Variants in CELF2 observed in about 807,000 individuals in gnomAD.
The protein encoded by CELF2 is CUG triplet repeat RNA-binding protein 2.
In CELF2, 8 loss-of-function variants were observed where a neutral mutation model predicts 62.6. The observed-to-expected ratio is 0.13, with a 90% confidence interval of 0.07 to 0.23. The LOEUF is 0.23. Ranked by LOEUF, CELF2 falls within the 10% of genes least tolerant of loss-of-function variation. CELF2 has a pLI of 1.00. For missense variants in CELF2, 333 were observed against 671.0 expected, an observed-to-expected ratio of 0.50 and a Z score of 5.56; for synonymous variants, 258 against 250.0, an observed-to-expected ratio of 1.03 and a Z score of -0.30.
rs2074895204 is a variant in CELF2, at chr10:11,244,157, C to T, written c.355-4996C>T. On this transcript the variant is annotated intron_variant, in intron 3 of 12. Coordinates refer to ENST00000633077, the MANE Select transcript of CELF2 (RefSeq NM_001326342.2). This position sits in a 1 kb window ranked among gnomAD's most constrained non-coding sequence, Gnocchi z 4.2. Reference sequence around the variant, plus strand: ...TTGAGAAGCAACAGTTCTGACCCCACTCATTTCATCATTAGCTCTTGAGAA... The same window carrying T: ...TTGAGAAGCAACAGTTCTGACCCCATTCATTTCATCATTAGCTCTTGAGAA... Among the ~76,000 whole-genome samples the T allele has an allele frequency of 6.6e-6, 1 of 152,238 alleles. No homozygotes were observed. Among genetic ancestry groups the T allele is most frequent in the South Asian group, 2.1e-4 (1 of 4,836 alleles).
intron 4 of CELF2, among the ~76,000 whole-genome samples, chr10:11,253,657 A>AT (rs940641640): frequency 1.3e-3 from 190 of 151,060 alleles, no homozygotes; most frequent in Middle Eastern, 3.4e-3. Context: ...ACAATTAGAG[A>AT]TTTTTTTTTT....
chr10:11,092,895 G>A (rs957227272), intron 1 of CELF2, among the ~76,000 whole-genome samples: 1 of 152,142 alleles, frequency 6.6e-6, no homozygotes, highest in African/African-American at 2.4e-5. Context: ...TCCAGACATA[G>A]GAGACAGATA....
intron 1 of CELF2, among the ~76,000 whole-genome samples, chr10:10,895,863 C>G (rs927135760): frequency 1.3e-5 from 2 of 152,172 alleles, no homozygotes; most frequent in Admixed American, 1.3e-4. Flanking sequence ...GGGATGAACT[C>G]TAAGCTCCCC....
the CELF2 span, among the ~76,000 whole-genome samples, chr10:10,651,518 A>G: frequency 8.2e-6 from 1 of 122,352 alleles, no homozygotes; most frequent in Middle Eastern, 4.2e-3. Flanking sequence ...ACGCAGCTGG[A>G]GATCTGAGAA....
At chr10:11,085,591 T>A (rs78789376) in intron 1 of CELF2, among the ~76,000 whole-genome samples, 2,375 of 152,212 alleles carry the variant, frequency 0.016, 53 homozygotes, top group African/African-American at 0.054. Flanking sequence ...TTCCCCAGTT[T>A]ACAGATGGGC....
the CELF2 span, among the ~76,000 whole-genome samples, chr10:10,559,141 C>A: frequency 5.9e-5 from 9 of 152,224 alleles, no homozygotes; most frequent in East Asian, 7.7e-4. Context: ...ACAGAGCGGG[C>A]AAATTTAAAT....
At chr10:10,747,150 G>A in the CELF2 span, among the ~76,000 whole-genome samples, 1 of 152,182 alleles carries the variant, frequency 6.6e-6, no homozygotes, top group Non-Finnish European at 1.5e-5. Context: ...TAGGTAAGAG[G>A]TCCATCCTTT....
At chr10:11,212,737 GTTTTTTTT>G (rs11354880) in intron 2 of CELF2, among the ~76,000 whole-genome samples, 5 of 91,966 alleles carry the variant, frequency 5.4e-5, no homozygotes, top group Admixed American at 1.2e-4. Flanking sequence ...TGTGTTTTGG[GTTTTTTTT>G]TTTTTTTTTT....
intron 9 of CELF2, among the ~76,000 whole-genome samples, chr10:11,307,330 G>A (rs1340487009): frequency 2.0e-5 from 3 of 152,350 alleles, no homozygotes; most frequent in East Asian, 3.9e-4. Flanking sequence ...GTTACAGCCT[G>A]GCATACAGGG....
At chr10:10,505,176 G>C in the CELF2 span, among the ~76,000 whole-genome samples, 2 of 152,078 alleles carry the variant, frequency 1.3e-5, no homozygotes, top group African/African-American at 4.8e-5. Context: ...GGTTTCACTG[G>C]CTTTCTCTGA....
At chr10:10,604,094 C>T in the CELF2 span, among the ~76,000 whole-genome samples, 1 of 152,102 alleles carries the variant, frequency 6.6e-6, no homozygotes, top group African/African-American at 2.4e-5. Flanking sequence ...CCTGTAGTCC[C>T]CACTACTAGG....
chr10:10,766,478 G>A, the CELF2 span, among the ~76,000 whole-genome samples: 1 of 152,292 alleles, frequency 6.6e-6, no homozygotes. Flanking sequence ...ACACACTGCT[G>A]CCTCCATCGG....
At chr10:10,505,785 C>T in the CELF2 span, among the ~76,000 whole-genome samples, 1 of 152,188 alleles carries the variant, frequency 6.6e-6, no homozygotes, top group Admixed American at 6.5e-5. Context: ...TGCTAGGCTG[C>T]TGCTTTTCTG....
chr10:10,567,652 G>C, the CELF2 span, among the ~76,000 whole-genome samples: 4 of 152,122 alleles, frequency 2.6e-5, no homozygotes, highest in Admixed American at 6.5e-5. Flanking sequence ...CCCAGAAAAT[G>C]CTCAGGCGTC....
upstream of CELF2, among the ~76,000 whole-genome samples, chr10:11,004,419 G>GCA (rs1564345489): frequency 1.4e-5 from 2 of 143,716 alleles, no homozygotes; most frequent in African/African-American, 5.8e-5. The surrounding 1 kb of genome is among the most constrained non-coding windows in gnomAD (Gnocchi z 5.0). Context: ...GTGTGTGCGC[G>GCA]CGCGTGTGTG....
At chr10:10,892,897 G>GC (rs2062253075) in intron 1 of CELF2, among the ~76,000 whole-genome samples, 2 of 152,360 alleles carry the variant, frequency 1.3e-5, no homozygotes, top group East Asian at 3.9e-4. Context: ...GGAGGATGGA[G>GC]CCTGGTTATT....
At chr10:10,946,766 T>A (rs1306992445) in intron 2 of CELF2, 2 of 152,218 alleles carry the variant, frequency 1.3e-5, no homozygotes, top group South Asian at 2.1e-4. Context: ...TATAGAGAAG[T>A]ATGAACCCTC....
At chr10:10,966,885 G>A (rs867227880) in intron 2 of CELF2, 5 of 152,280 alleles carry the variant, frequency 3.3e-5, no homozygotes, top group Middle Eastern at 6.8e-3. Flanking sequence ...AAAGTAAAAC[G>A]AATTCCTGTA....
intron 1 of CELF2, among the ~76,000 whole-genome samples, chr10:10,880,232 G>T (rs1186912154): frequency 6.6e-6 from 1 of 152,142 alleles, no homozygotes; most frequent in Non-Finnish European, 1.5e-5. Flanking sequence ...TGAGGGGCTG[G>T]GCCTACCAGG....
Sources: allele counts gnomAD v4.1 joint callset (sites outside exome capture counted in the v4.1 genomes callset), GRCh38; gene constraint gnomAD v4.1.1; non-coding constraint Gnocchi (gnomAD v3.1); transcripts MANE v1.5; gene names NCBI Gene and HGNC (gene_info 2026-07-23, HGNC 2026-07-21).